The following SORCS1 variants were observed in gnomAD, a reference collection of about 807,000 sequenced individuals.
SORCS1 encodes VPS10 domain-containing receptor SorCS1.
A neutral mutation model predicts 146.1 loss-of-function variants in SORCS1; 60 were observed. That is an observed-to-expected ratio of 0.41 (90% confidence interval 0.33 to 0.51). SORCS1 has a LOEUF of 0.51. SORCS1 is among the 20% of genes least tolerant of loss of function. The probability of loss-of-function intolerance (pLI) is 0.21; values close to 1 mark genes in which losing one functional copy is unlikely to be tolerated. For synonymous variants in SORCS1, 637 were observed against 584.0 expected (o/e 1.09, Z -1.31); for missense variants, 1,352 against 1,487.6 (o/e 0.91, Z 1.50).
At chr10:107,108,414 C>T (rs1405054992) in intron 1 of SORCS1, among the ~76,000 whole-genome samples, 1 of 152,166 alleles carries the variant, frequency 6.6e-6, no homozygotes, top group East Asian at 1.9e-4. Context: ...GAGGAACAGG[C>T]ATATCACATG....
chr10:107,026,083 G>C (rs1958388810), intron 1 of SORCS1, among the ~76,000 whole-genome samples: 1 of 152,072 alleles, frequency 6.6e-6, no homozygotes, highest in African/African-American at 2.4e-5. Context: ...CACATCAAAA[G>C]GAAATCACAG....
At chr10:106,602,544 C>T (rs1309388512) in intron 23 of SORCS1, among the ~76,000 whole-genome samples, 1 of 151,342 alleles carries the variant, frequency 6.6e-6, no homozygotes, top group Non-Finnish European at 1.5e-5. Flanking sequence ...CACACACACA[C>T]ACACACAAAC....
At chr10:107,129,722 T>C (rs1966848878) in intron 1 of SORCS1, among the ~76,000 whole-genome samples, 1 of 152,250 alleles carries the variant, frequency 6.6e-6, no homozygotes, top group Admixed American at 6.5e-5. Flanking sequence ...CCTTTTCAAC[T>C]GCTCTTCTAA....
At chr10:107,133,615 C>G (rs1967034058) in intron 1 of SORCS1, among the ~76,000 whole-genome samples, 1 of 152,138 alleles carries the variant, frequency 6.6e-6, no homozygotes, top group Admixed American at 6.5e-5. Flanking sequence ...GTTAGAAACC[C>G]AGGCTGCTGG....
At position 106,652,446 on chromosome 10, in the gene SORCS1, G is replaced by T. The variant is rs773906334; in HGVS notation, c.2411C>A (p.Thr804Lys). The change falls in exon 18 of 26, where the codon ACG (threonine) becomes AAG (lysine). Residue 804 changes from threonine (T) to lysine (K), a missense_variant. Coordinates refer to ENST00000263054, the MANE Select transcript of SORCS1 (RefSeq NM_052918.5). ...TTCCGCTGTCAGCTTTCCATCAGCCGTGACTATCCGCAGCCCCCGCGGGGC... is the reference window on the plus strand; with the variant it reads ...TTCCGCTGTCAGCTTTCCATCAGCCTTGACTATCCGCAGCCCCCGCGGGGC... ...GKAPRGLRIVTADGKLTAEQG... is the reference protein window; with the variant it reads ...GKAPRGLRIVKADGKLTAEQG... 1 of 1,614,054 alleles carries T rather than the reference G, an allele frequency of 6.2e-7. No individual in the cohort carries two copies. The highest frequency in any genetic ancestry group is 8.5e-7 in the Non-Finnish European group (1 of 1,179,978).
chr10:106,619,241 C>T (rs554554156), intron 20 of SORCS1, among the ~76,000 whole-genome samples: 29 of 152,262 alleles, frequency 1.9e-4, no homozygotes, highest in Non-Finnish European at 3.5e-4. Flanking sequence ...CCTGCTCTTC[C>T]GCTATGGATA....
rs182197664 is a variant in SORCS1, at chr10:106,990,877, C to A, written c.559-34297G>T. ...AACTTAAGAAAATGTATAAATACTTCTTTTATTTGAGGCACACTACTCTTT... is the reference window on the plus strand; with the variant it reads ...AACTTAAGAAAATGTATAAATACTTATTTTATTTGAGGCACACTACTCTTT... On this transcript the variant is annotated intron_variant, in intron 1 of 25. Coordinates refer to ENST00000263054, the MANE Select transcript of SORCS1 (RefSeq NM_052918.5). Among the ~76,000 whole-genome samples the A allele has an allele frequency of 1.9e-3, 283 of 151,330 alleles. 1 individual carries two copies. The highest frequency in any genetic ancestry group is 3.4e-3 in the Middle Eastern group (1 of 294).
rs142377158 is a variant in SORCS1 at position 106,858,308 on chromosome 10, TC to T, written c.627-28636del. On this transcript the variant is annotated intron_variant, in intron 2 of 25. Transcript: ENST00000263054. ...TTCTTGATGTTTCTAGTCATACAGA[TC>T]CGGTGAGATAAGAAATTTGGGTGCA... Among the ~76,000 whole-genome samples, 278 of 152,156 alleles carry T rather than the reference TC, an allele frequency of 1.8e-3. 2 individuals carry two copies. The highest frequency in any genetic ancestry group is 6.6e-3 in the African/African-American group (272 of 41,526).
intron 5 of SORCS1, among the ~76,000 whole-genome samples, chr10:106,758,423 C>T (rs1858825469): frequency 6.6e-6 from 1 of 152,088 alleles, no homozygotes; most frequent in Non-Finnish European, 1.5e-5. Context: ...TACTTCCTAC[C>T]CTCTAGTTCT....
At chr10:107,045,811 T>C (rs1055436869) in intron 1 of SORCS1, among the ~76,000 whole-genome samples, 18 of 151,530 alleles carry the variant, frequency 1.2e-4, no homozygotes, top group African/African-American at 4.1e-4. Context: ...TCAGTTGTGT[T>C]CTTATTCTGT....
intron 9 of SORCS1, among the ~76,000 whole-genome samples, chr10:106,697,176 T>C (rs1182129945): frequency 6.6e-6 from 1 of 152,114 alleles, no homozygotes; most frequent in Non-Finnish European, 1.5e-5. Flanking sequence ...TTTACACTTA[T>C]TTATAAGAAG....
intron 2 of SORCS1, among the ~76,000 whole-genome samples, chr10:106,855,190 T>G (rs1949736394): frequency 6.6e-6 from 1 of 152,206 alleles, no homozygotes; most frequent in African/African-American, 2.4e-5. Flanking sequence ...CTTTAAATAT[T>G]TCATCCCACT....
At chr10:106,797,238 T>G (rs111727637) in intron 3 of SORCS1, among the ~76,000 whole-genome samples, 1 of 152,374 alleles carries the variant, frequency 6.6e-6, no homozygotes, top group African/African-American at 2.4e-5. Context: ...CACTGTCATT[T>G]TGCTCTGGCT....
chr10:107,027,148 A>T (rs1468451070), intron 1 of SORCS1, among the ~76,000 whole-genome samples: 5 of 151,140 alleles, frequency 3.3e-5, no homozygotes, highest in Non-Finnish European at 7.4e-5. Context: ...TGAAGGCATG[A>T]CGAGAAAGAG....
At chr10:106,591,128 G>T (rs1293697013) in intron 24 of SORCS1, among the ~76,000 whole-genome samples, 1 of 152,186 alleles carries the variant, frequency 6.6e-6, no homozygotes, top group Non-Finnish European at 1.5e-5. Flanking sequence ...AAGTGAAGCT[G>T]CTCTGACACT....
At chr10:106,639,227 C>A (rs1848908417) in intron 18 of SORCS1, among the ~76,000 whole-genome samples, 1 of 152,138 alleles carries the variant, frequency 6.6e-6, no homozygotes. Flanking sequence ...TGTGGTGAAA[C>A]CCTGATTCAG....
intron 1 of SORCS1, among the ~76,000 whole-genome samples, chr10:107,048,050 T>C (rs571105358): frequency 6.6e-6 from 1 of 152,086 alleles, no homozygotes; most frequent in South Asian, 2.1e-4. Context: ...ATCATGTCAC[T>C]GCACTCCTAG....
intron 21 of SORCS1, 32 bp from the exon 22 acceptor site, chr10:106,612,055 A>T: frequency 6.7e-7 from 1 of 1,498,284 alleles, no homozygotes; most frequent in Non-Finnish European, 9.3e-7. Context: ...GAGTACTATA[A>T]GTCAAATAGT....
At chr10:107,036,397 G>GA (rs1958906813) in intron 1 of SORCS1, among the ~76,000 whole-genome samples, 1 of 152,094 alleles carries the variant, frequency 6.6e-6, no homozygotes, top group Non-Finnish European at 1.5e-5. Flanking sequence ...AATCTCTCAT[G>GA]GATACTGAGG....
Sources: allele counts gnomAD v4.1 joint callset (sites outside exome capture counted in the v4.1 genomes callset), GRCh38; gene constraint gnomAD v4.1.1; transcripts MANE v1.5; gene names NCBI Gene and HGNC (gene_info 2026-07-23, HGNC 2026-07-21).